Variants in NPFFR1 observed in about 807,000 individuals in gnomAD.
NPFFR1 encodes G-protein coupled receptor 147.
NPFFR1 carries 17 observed loss-of-function variants against 12.7 expected under a neutral mutation model. That is an observed-to-expected ratio of 1.34 (90% CI 0.92 to 2.01). NPFFR1 has a LOEUF of 2.01. Among genes scored for constraint, NPFFR1 ranks in the 30% most tolerant of loss-of-function variants. The pLI, the probability that NPFFR1 is intolerant of heterozygous loss-of-function variation, is 0.00. For synonymous variants in NPFFR1, 296 were observed against 264.5 expected, an observed-to-expected ratio of 1.12 and a Z score of -1.16; for missense variants, 604 against 606.5, an observed-to-expected ratio of 1.00 and a Z score of 0.04.
intron 1 of NPFFR1, among the ~76,000 whole-genome samples, chr10:70,275,352 A>C (rs954832376): frequency 1.3e-5 from 2 of 152,200 alleles, no homozygotes; most frequent in Non-Finnish European, 2.9e-5. Context: ...CTCTCAGTCT[A>C]TTTAAAAGAA....
rs1357886196 is a variant in NPFFR1 at position 70,260,773 on chromosome 10, T to A, written c.323-34A>T. ...ACAGAGGCCCCCACAGAGTGAGAGA[T>A]GCCCACGCATCAAGAGCCAGAGACT... is the stretch of plus-strand genomic sequence containing the variant. On this transcript the variant is annotated intron_variant, in intron 2 of 3. Coordinates refer to ENST00000277942, the MANE Select transcript of NPFFR1 (RefSeq NM_022146.5). The A allele has an allele frequency of 3.3e-6, 5 of 1,536,290 alleles. No homozygotes were observed. The South Asian group carries it at 5.9e-5, about 18-fold the overall frequency.
At chr10:70,271,822 G>GA (rs1177087833) in intron 1 of NPFFR1, among the ~76,000 whole-genome samples, 2 of 151,944 alleles carry the variant, frequency 1.3e-5, no homozygotes, top group East Asian at 1.9e-4. Context: ...GTGCGAATGA[G>GA]AAAAAAATCC....
intron 2 of NPFFR1, among the ~76,000 whole-genome samples, chr10:70,261,338 G>A (rs991454650): frequency 1.4e-4 from 22 of 152,272 alleles, no homozygotes; most frequent in African/African-American, 5.3e-4. Flanking sequence ...TAAGTTTCCT[G>A]AGGCCTTCCC....
At chr10:70,271,543 G>GA (rs1421656522) in intron 1 of NPFFR1, among the ~76,000 whole-genome samples, 3 of 152,048 alleles carry the variant, frequency 2.0e-5, no homozygotes, top group Non-Finnish European at 2.9e-5. Context: ...TTAAAAAATA[G>GA]AAAATAAAAC....
rs56051962 is a variant in NPFFR1 at position 70,250,944 on chromosome 10, C to T, written c.*4013G>A. 0.069 allele frequency: 10,517 copies of T among 152,100 alleles called. 537 individuals carry two copies. The highest frequency in any genetic ancestry group is 0.13 in the African/African-American group (5,312 of 41,444). The allele number at this position is 152,100 out of a possible 1,614,324, so 9.4% of individuals were successfully genotyped here. ...AAAAGGACGCTATACTTGTCTCTTG[C>T]GGTAGGATTTTGGGTGCTTTTCATT... is the stretch of plus-strand genomic sequence containing the variant. On this transcript the variant is annotated 3_prime_UTR_variant, in exon 4 of 4. Coordinates refer to ENST00000277942, the MANE Select transcript of NPFFR1 (RefSeq NM_022146.5).
chr10:70,270,442 A>G (rs1271483508), intron 1 of NPFFR1, among the ~76,000 whole-genome samples: 1 of 152,220 alleles, frequency 6.6e-6, no homozygotes, highest in East Asian at 1.9e-4. Context: ...GGATGGGCAG[A>G]GGAAACTGCC....
chr10:70,266,268 G>A lies in NPFFR1; in HGVS notation c.131C>T (p.Ala44Val). The change falls in exon 2 of 4, where the codon GCC becomes GTC. Residue 44 changes from alanine (A) to valine (V), a missense_variant. Physicochemically the swap from Ala to Val is moderately conservative, Grantham distance 64. Transcript: ENST00000277942. ...GAGCGCATAGGCCACAATGAACATG[G>A]CCGCCACAGGGGAGGTGTGCTGATA... is the stretch of plus-strand genomic sequence containing the variant. Reference protein sequence around the residue: ...SYYQHTSPVAAMFIVAYALIF... With the variant: ...SYYQHTSPVAVMFIVAYALIF... 2.5e-6 allele frequency: 4 copies of A among 1,613,992 alleles called. No individual in the cohort carries two copies. Among genetic ancestry groups the A allele is most frequent in the Non-Finnish European group, 3.4e-6 (4 of 1,179,874 alleles).
At chr10:70,271,717 C>T (rs558342792) in intron 1 of NPFFR1, among the ~76,000 whole-genome samples, 4 of 152,218 alleles carry the variant, frequency 2.6e-5, no homozygotes, top group Non-Finnish European at 5.9e-5. Context: ...ACATCGTACA[C>T]ATGGCACTCT....
intron 3 of NPFFR1, among the ~76,000 whole-genome samples, chr10:70,259,889 C>A (rs1840615260): frequency 6.6e-6 from 1 of 152,180 alleles, no homozygotes; most frequent in South Asian, 2.1e-4. Context: ...GTTAGGTGAC[C>A]CACCCAACAT....
chr10:70,280,988 C>T (rs150910205), intron 1 of NPFFR1, among the ~76,000 whole-genome samples: 2 of 151,574 alleles, frequency 1.3e-5, no homozygotes, highest in Admixed American at 6.6e-5. Flanking sequence ...GGCAACAGGG[C>T]GAGACTCCGT....
In NPFFR1 at chr10:70,253,594, A is replaced by C. The variant is rs935388365; in HGVS notation, c.*1363T>G. 6.6e-6 allele frequency: 1 copy of C among 152,212 alleles called. No individual in the cohort carries two copies. The highest frequency in any genetic ancestry group is 2.4e-5 in the African/African-American group (1 of 41,442). The allele number at this position is 152,212 out of a possible 1,614,324, so 9.4% of individuals were successfully genotyped here. A position where few individuals can be genotyped will look rare whatever the true frequency, so the allele number is the denominator to read the frequency against. On this transcript the variant is annotated 3_prime_UTR_variant, in exon 4 of 4. Transcript: ENST00000277942. ...TGCTTAGGAATTTTCTTCTGCCCCTAAACCTGGAACTTAGAGTGGAGCAAA... is the reference window on the plus strand; with the variant it reads ...TGCTTAGGAATTTTCTTCTGCCCCTCAACCTGGAACTTAGAGTGGAGCAAA...
chr10:70,258,388 CT>C (rs1840598547), intron 3 of NPFFR1, among the ~76,000 whole-genome samples: 1 of 152,060 alleles, frequency 6.6e-6, no homozygotes, highest in African/African-American at 2.4e-5. Context: ...AAACCTCCCC[CT>C]GCAGCATGGT....
intron 1 of NPFFR1, among the ~76,000 whole-genome samples, chr10:70,275,984 C>T (rs10999230): frequency 0.25 from 37,359 of 152,046 alleles, 5,713 homozygotes; most frequent in South Asian, 0.44. Context: ...TAAGCCAGGA[C>T]GCCTGTTCTG....
chr10:70,273,335 A>G (rs1453099484), intron 1 of NPFFR1, among the ~76,000 whole-genome samples: 7 of 152,196 alleles, frequency 4.6e-5, no homozygotes, highest in Non-Finnish European at 8.8e-5. Context: ...CTCACAGTCA[A>G]GTTTAGTGTG....
chr10:70,279,620 C>G (rs1425573913), intron 1 of NPFFR1, among the ~76,000 whole-genome samples: 3 of 151,996 alleles, frequency 2.0e-5, no homozygotes, highest in Non-Finnish European at 4.4e-5. Flanking sequence ...CCACCACACT[C>G]AGCTAATTTT....
At chr10:70,260,439 G>A (rs982426109) in intron 3 of NPFFR1, among the ~76,000 whole-genome samples, 11 of 152,210 alleles carry the variant, frequency 7.2e-5, no homozygotes, top group African/African-American at 2.2e-4. Flanking sequence ...CCAGAAGGGG[G>A]TGGTAGTGTC....
chr10:70,264,366 C>CAAAAAAAAAAAAA (rs56178146), intron 2 of NPFFR1, among the ~76,000 whole-genome samples: 18 of 74,568 alleles, frequency 2.4e-4, no homozygotes, highest in East Asian at 4.0e-4. Flanking sequence ...AGTGAGACTC[C>CAAAAAAAAAAAAA]AAAAAAAAAA....
chr10:70,277,724 G>T (rs1427258412), intron 1 of NPFFR1, among the ~76,000 whole-genome samples: 1 of 152,222 alleles, frequency 6.6e-6, no homozygotes, highest in South Asian at 2.1e-4. Context: ...AGGCCCCTGG[G>T]GGCTCCCAGA....
chr10:70,274,839 C>T (rs147056908), intron 1 of NPFFR1, among the ~76,000 whole-genome samples: 2 of 152,310 alleles, frequency 1.3e-5, no homozygotes, highest in Non-Finnish European at 2.9e-5. Flanking sequence ...ACCAGTAGGT[C>T]GCAGTGTGGT....
Sources: allele counts gnomAD v4.1 joint callset (sites outside exome capture counted in the v4.1 genomes callset), GRCh38; gene constraint gnomAD v4.1.1; transcripts MANE v1.5; gene names NCBI Gene and HGNC (gene_info 2026-07-23, HGNC 2026-07-21).